Variants in MYO6 observed in about 807,000 individuals in gnomAD.
The protein encoded by MYO6 is unconventional myosin-VI.
MYO6 carries 74 observed loss-of-function variants against 178.7 expected under a neutral mutation model. The ratio of observed to expected loss-of-function variants is 0.41; its 90% CI spans 0.34 to 0.50. The LOEUF (loss-of-function observed/expected upper bound fraction) is 0.50, where lower values mean the gene tolerates loss of function less well. MYO6 is among the 20% of genes least tolerant of loss of function. MYO6 has a pLI of 0.09. For missense variants in MYO6, 1,330 were observed against 1,547.4 expected (o/e 0.86, Z 2.36); for synonymous variants, 477 against 504.6 (o/e 0.95, Z 0.73).
In MYO6 at chr6:75,917,223, A is replaced by C. The variant is rs1393962563; in HGVS notation, c.*2211A>C. On this transcript the variant is annotated 3_prime_UTR_variant, in exon 35 of 35. Transcript: ENST00000369977. ...GCCAGGTTAAAACTGTGGAAATCAA[A>C]AGTAAATTCACTCATATTTTAATCA... 1 of 152,696 alleles carries C rather than the reference A, an allele frequency of 6.5e-6. No individual in the cohort carries two copies. Among genetic ancestry groups the C allele is most frequent in the East Asian group, 1.9e-4 (1 of 5,198 alleles). The allele number at this position is 152,696 out of a possible 1,614,324, so 9.5% of individuals were successfully genotyped here.
intron 4 of MYO6, 35 bp downstream of exon 4, chr6:75,828,648 A>G: frequency 3.1e-6 from 4 of 1,285,728 alleles, no homozygotes; most frequent in Non-Finnish European, 4.5e-6. Flanking sequence ...GTTTTTGTGG[A>G]GATAATTATT....
intron 5 of MYO6, among the ~76,000 whole-genome samples, chr6:75,830,893 C>T (rs1478840411): frequency 6.6e-6 from 1 of 152,146 alleles, no homozygotes; most frequent in Non-Finnish European, 1.5e-5. Context: ...TAAAATTGTC[C>T]TCCTTCACAA....
At chr6:75,821,128 G>A (rs1217313437) in intron 2 of MYO6, among the ~76,000 whole-genome samples, 1 of 152,072 alleles carries the variant, frequency 6.6e-6, no homozygotes, top group East Asian at 1.9e-4. Context: ...CACCTTTCAG[G>A]ACTCCTTACT....
intron 1 of MYO6, among the ~76,000 whole-genome samples, chr6:75,767,061 T>C (rs1356608874): frequency 6.6e-6 from 1 of 152,096 alleles, no homozygotes; most frequent in Non-Finnish European, 1.5e-5. Context: ...AGTCTTGCTC[T>C]GTCGCCCAGG....
At chr6:75,863,674 C>CGGGG (rs1319947651) in intron 16 of MYO6, among the ~76,000 whole-genome samples, 1 of 151,958 alleles carries the variant, frequency 6.6e-6, no homozygotes, top group Non-Finnish European at 1.5e-5. Context: ...TTAGTAGAGA[C>CGGGG]GGGGTTTCAC....
chr6:75,826,455 A>C (rs954720601), intron 3 of MYO6, among the ~76,000 whole-genome samples: 1 of 152,180 alleles, frequency 6.6e-6, no homozygotes, highest in African/African-American at 2.4e-5. Flanking sequence ...ATTAGCGTTC[A>C]CAGGGGAAGC....
intron 1 of MYO6, among the ~76,000 whole-genome samples, chr6:75,805,021 A>ATATATATATATATTTTTTT (rs1252912172): frequency 5.2e-5 from 4 of 77,310 alleles, no homozygotes; most frequent in African/African-American, 3.0e-4. Context: ...ATATATATAT[A>ATATATATATATATTTTTTT]TTTTTTTTTT....
intron 1 of MYO6, among the ~76,000 whole-genome samples, chr6:75,767,520 CTTTTTT>C (rs1002645261): frequency 7.6e-6 from 1 of 131,232 alleles, no homozygotes; most frequent in Non-Finnish European, 1.6e-5. Context: ...TTACAAATTC[CTTTTTT>C]TTTTTTTTTT....
rs1781141962 is a variant in MYO6 at position 75,916,756 on chromosome 6, T to A, written c.*1744T>A. The stretch of plus-strand genomic sequence containing the variant: ...GACATGTCTCTTTAGTACAATAGTT[T>A]TGTGTATCTTTTAGATACATTAATA... On this transcript the variant is annotated 3_prime_UTR_variant, in exon 35 of 35. Coordinates refer to ENST00000369977, the MANE Select transcript of MYO6 (RefSeq NM_004999.4). 1 of 152,246 alleles carries A rather than the reference T, an allele frequency of 6.6e-6. No individual in the cohort carries two copies. The highest frequency in any genetic ancestry group is 6.5e-5 in the Admixed American group (1 of 15,282). 9.4% of individuals were successfully genotyped at this position (152,246 alleles called of 1,614,324 possible).
At chr6:75,889,551 G>T (rs566677109) in intron 25 of MYO6, among the ~76,000 whole-genome samples, 15 of 152,084 alleles carry the variant, frequency 9.9e-5, no homozygotes, top group Non-Finnish European at 1.9e-4. Flanking sequence ...GGGACTACAG[G>T]TGTGTACCAC....
chr6:75,841,523 T>A, intron 9 of MYO6, 145 bp downstream of exon 9: 5 of 548,796 alleles, frequency 9.1e-6, no homozygotes, highest in African/African-American at 4.0e-5. Flanking sequence ...ACCCTGTCTC[T>A]AAAAAAAAAA....
At chr6:75,831,447 C>T (rs560389104) in intron 5 of MYO6, among the ~76,000 whole-genome samples, 56 of 152,340 alleles carry the variant, frequency 3.7e-4, no homozygotes, top group Non-Finnish European at 5.9e-4. Flanking sequence ...CTATGACAGG[C>T]ATCGTTGTGT....
chr6:75,818,121 T>A (rs189820974), intron 2 of MYO6, among the ~76,000 whole-genome samples: 1 of 152,344 alleles, frequency 6.6e-6, no homozygotes, highest in Admixed American at 6.5e-5. Context: ...AGTCTTTTTT[T>A]AAAGTTTTTT....
At chr6:75,875,735 A>G (rs879830538) in intron 20 of MYO6, among the ~76,000 whole-genome samples, 2 of 152,198 alleles carry the variant, frequency 1.3e-5, no homozygotes, top group Admixed American at 6.5e-5. Context: ...AACCTTCTAA[A>G]TAGTGAGTCC....
In MYO6 at chr6:75,857,688, A is replaced by G. The variant is rs182126479; in HGVS notation, c.1381+434A>G. The stretch of plus-strand genomic sequence containing the variant: ...TAACTTACAGGCCAACCTCATTACT[A>G]TGTTTAGAAATTCATTGCTGTTGCT... On this transcript the variant is annotated intron_variant, in intron 13 of 34. Transcript: ENST00000369977. Among the ~76,000 whole-genome samples, 11 of 152,338 alleles carry G rather than the reference A, an allele frequency of 7.2e-5. No homozygotes were observed. In the East Asian group the frequency reaches 2.1e-3, roughly 29 times the overall value.
chr6:75,752,058 T>C (rs890029073), intron 1 of MYO6, among the ~76,000 whole-genome samples: 1 of 151,720 alleles, frequency 6.6e-6, no homozygotes, highest in African/African-American at 2.4e-5. Flanking sequence ...AGTGGCACGA[T>C]CTTGGGTCAC....
intron 22 of MYO6, among the ~76,000 whole-genome samples, chr6:75,880,945 C>T (rs1407065953): frequency 6.6e-6 from 1 of 152,242 alleles, no homozygotes; most frequent in East Asian, 1.9e-4. Context: ...AAAAATTTCT[C>T]ATCTCTGTTT....
At chr6:75,757,449 C>T (rs936186193) in intron 1 of MYO6, among the ~76,000 whole-genome samples, 1 of 150,846 alleles carries the variant, frequency 6.6e-6, no homozygotes, top group Admixed American at 6.6e-5. Flanking sequence ...GGATGTGTGA[C>T]ACATCACAGA....
chr6:75,792,063 G>A (rs542561914), intron 1 of MYO6, among the ~76,000 whole-genome samples: 2 of 152,292 alleles, frequency 1.3e-5, no homozygotes, highest in East Asian at 1.9e-4. Flanking sequence ...TGTGGCTATG[G>A]ATGAGTCACT....
Sources: gnomAD v4.1 joint callset for allele counts (sites outside exome capture counted in the v4.1 genomes callset) on GRCh38, gnomAD v4.1.1 for gene constraint, MANE v1.5 for transcripts, NCBI Gene and HGNC (gene_info 2026-07-23, HGNC 2026-07-21) for gene names.